Variants in HS6ST3 observed in about 807,000 individuals in gnomAD.
HS6ST3 encodes heparan-sulfate 6-O-sulfotransferase 3.
In HS6ST3, 12 loss-of-function variants were observed where a neutral mutation model predicts 36.7. That is an observed-to-expected ratio of 0.33 (90% CI 0.21 to 0.53). The LOEUF is 0.53. Ranked by LOEUF, HS6ST3 falls within the 20% of genes least tolerant of loss-of-function variation. The pLI is 0.95. For synonymous variants in HS6ST3, 240 were observed against 257.5 expected (o/e 0.93, Z 0.65); for missense variants, 584 against 640.9 (o/e 0.91, Z 0.96).
intron 1 of HS6ST3, among the ~76,000 whole-genome samples, chr13:96,357,487 A>G (rs1175671766): frequency 6.6e-6 from 1 of 152,214 alleles, no homozygotes; most frequent in Non-Finnish European, 1.5e-5. Flanking sequence ...CTCAGGGAAT[A>G]GAGAGGCATG....
chr13:96,317,347 T>TCAA, intron 1 of HS6ST3, among the ~76,000 whole-genome samples: 1 of 90,764 alleles, frequency 1.1e-5, no homozygotes, highest in East Asian at 3.5e-4. Flanking sequence ...TATATATATA[T>TCAA]ATATATATAT....
In HS6ST3 at chr13:96,091,580, C is replaced by A; in HGVS notation, c.707+11C>A. 1 of 1,555,548 alleles carries A rather than the reference C, an allele frequency of 6.4e-7. No individual in the cohort carries two copies. The highest frequency in any genetic ancestry group is 2.4e-5 in the East Asian group (1 of 42,022). On this transcript the variant is annotated intron_variant, in intron 1 of 1. Transcript: ENST00000376705. Reference sequence around the variant, plus strand: ...CCACAGCCACACCAGGTACTGTCGCCCGCTGGGTCTCTGTTCTTCCCCCCC... The same window carrying A: ...CCACAGCCACACCAGGTACTGTCGCACGCTGGGTCTCTGTTCTTCCCCCCC...
intron 1 of HS6ST3, among the ~76,000 whole-genome samples, chr13:96,177,434 T>C (rs1383763088): frequency 6.6e-6 from 1 of 152,188 alleles, no homozygotes; most frequent in Non-Finnish European, 1.5e-5. Flanking sequence ...TGTAATATTA[T>C]GCCACCATAA....
At chr13:96,611,873 A>G (rs1044157384) in intron 1 of HS6ST3, among the ~76,000 whole-genome samples, 7 of 152,176 alleles carry the variant, frequency 4.6e-5, no homozygotes, top group Non-Finnish European at 1.0e-4. Flanking sequence ...AGGGAACTGG[A>G]CAAAGTAAGC....
At chr13:96,673,184 C>G (rs1193691873) in intron 1 of HS6ST3, among the ~76,000 whole-genome samples, 1 of 152,146 alleles carries the variant, frequency 6.6e-6, no homozygotes. Context: ...ACTTTCTCCT[C>G]TGTGTGTGTT....
intron 1 of HS6ST3, among the ~76,000 whole-genome samples, chr13:96,738,629 TGTG>T (rs59042897): frequency 0.079 from 11,977 of 152,222 alleles, 551 homozygotes; most frequent in East Asian, 0.2. Flanking sequence ...TGCTGTGTCT[TGTG>T]GTCATTGAGA....
At chr13:96,492,987 A>G (rs999206129) in intron 1 of HS6ST3, among the ~76,000 whole-genome samples, 1 of 152,150 alleles carries the variant, frequency 6.6e-6, no homozygotes, top group Non-Finnish European at 1.5e-5. Context: ...GGCCAAGGGC[A>G]CTCTGCCAAT....
intron 1 of HS6ST3, among the ~76,000 whole-genome samples, chr13:96,821,858 TA>T (rs1468843282): frequency 6.6e-6 from 1 of 152,182 alleles, no homozygotes; most frequent in Non-Finnish European, 1.5e-5. Context: ...CAGAGGGGAT[TA>T]AAAAAATATA....
intron 1 of HS6ST3, among the ~76,000 whole-genome samples, chr13:96,607,597 G>A (rs1297391239): frequency 6.6e-6 from 1 of 152,206 alleles, no homozygotes; most frequent in Non-Finnish European, 1.5e-5. Context: ...AGTACAGACA[G>A]TGTAAGTACT....
intron 1 of HS6ST3, among the ~76,000 whole-genome samples, chr13:96,648,417 TA>T: frequency 6.6e-6 from 1 of 152,134 alleles, no homozygotes; most frequent in South Asian, 2.1e-4. Context: ...TATACCTACT[TA>T]TTTGGTAATT....
At position 96,833,786 on chromosome 13, in the gene HS6ST3, C is replaced by G. The variant is rs541275834; in HGVS notation, c.*588C>G. 3 of 152,576 alleles carry G rather than the reference C, an allele frequency of 2.0e-5. No homozygotes were observed. The South Asian group carries it at 6.2e-4, about 32-fold the overall frequency. The allele number at this position is 152,576 out of a possible 1,614,324, so 9.5% of individuals were successfully genotyped here. ...TGCAGTTGTTTTGAAACAAAATTAT[C>G]CTATTATTGACCATTGCTAGAGACC... is the stretch of plus-strand genomic sequence containing the variant. On this transcript the variant is annotated 3_prime_UTR_variant, in exon 2 of 2. Coordinates refer to ENST00000376705, the MANE Select transcript of HS6ST3 (RefSeq NM_153456.4).
At chr13:96,372,191 G>A (rs2055293308) in intron 1 of HS6ST3, among the ~76,000 whole-genome samples, 1 of 152,164 alleles carries the variant, frequency 6.6e-6, no homozygotes, top group Admixed American at 6.6e-5. Context: ...CAGGCATGAA[G>A]TGATATCCCA....
chr13:96,241,141 G>GT (rs11369957), intron 1 of HS6ST3, among the ~76,000 whole-genome samples: 135,054 of 149,312 alleles, frequency 0.9, 61,122 homozygotes, highest in Non-Finnish European at 0.92. Context: ...GGTCCTTTCT[G>GT]TTTTTTTTTT....
At chr13:96,562,696 A>G (rs150185369) in intron 1 of HS6ST3, among the ~76,000 whole-genome samples, 1 of 152,118 alleles carries the variant, frequency 6.6e-6, no homozygotes, top group Non-Finnish European at 1.5e-5. Context: ...TAAAAAAATC[A>G]TTTCTAGCAA....
At chr13:96,715,098 CA>C (rs1187624640) in intron 1 of HS6ST3, among the ~76,000 whole-genome samples, 1 of 151,934 alleles carries the variant, frequency 6.6e-6, no homozygotes, top group Non-Finnish European at 1.5e-5. Context: ...ATTGTAATCA[CA>C]AATACTATAT....
At chr13:96,152,585 C>T (rs914890104) in intron 1 of HS6ST3, among the ~76,000 whole-genome samples, 1 of 152,124 alleles carries the variant, frequency 6.6e-6, no homozygotes, top group Admixed American at 6.5e-5. Flanking sequence ...GATCCGCCCG[C>T]CTTGACCTCC....
intron 1 of HS6ST3, among the ~76,000 whole-genome samples, chr13:96,131,773 A>G (rs1469020434): frequency 6.8e-6 from 1 of 146,804 alleles, no homozygotes; most frequent in African/African-American, 2.5e-5. Context: ...CATATCATTT[A>G]TTACCTAGAA....
At chr13:96,618,225 A>AGTG (rs1469898088) in intron 1 of HS6ST3, among the ~76,000 whole-genome samples, 1 of 152,028 alleles carries the variant, frequency 6.6e-6, no homozygotes, top group Non-Finnish European at 1.5e-5. Flanking sequence ...CAGCCTCCTG[A>AGTG]GTGGCTGGAA....
chr13:96,364,147 T>G (rs1430664890), intron 1 of HS6ST3, among the ~76,000 whole-genome samples: 1 of 152,118 alleles, frequency 6.6e-6, no homozygotes, highest in Admixed American at 6.6e-5. Context: ...TTGGCAAGTA[T>G]GTAGAAAAAT....
Sources: allele counts gnomAD v4.1 joint callset (sites outside exome capture counted in the v4.1 genomes callset), GRCh38; gene constraint gnomAD v4.1.1; transcripts MANE v1.5; gene names NCBI Gene and HGNC (gene_info 2026-07-23, HGNC 2026-07-21).